The following ZNF676 variants were observed in gnomAD, a reference collection of about 807,000 sequenced individuals.
The protein encoded by ZNF676 is zinc finger protein 676.
Under a neutral mutation model 6.0 loss-of-function variants are expected in ZNF676, and 4 were observed. That is an observed-to-expected ratio of 0.67 (90% CI 0.33 to 1.53). The LOEUF (loss-of-function observed/expected upper bound fraction) is 1.53. Ranked by LOEUF, ZNF676 falls within the 40% of genes most tolerant of loss-of-function variation. ZNF676 has a pLI of 0.06. For missense variants in ZNF676, 644 were observed against 679.7 expected, an observed-to-expected ratio of 0.95 and a Z score of 0.58; for synonymous variants, 198 against 223.1, an observed-to-expected ratio of 0.89 and a Z score of 1.00.
intron 2 of ZNF676, among the ~76,000 whole-genome samples, chr19:22,186,321 A>G (rs1426467847): frequency 1.3e-5 from 2 of 152,188 alleles, no homozygotes; most frequent in Non-Finnish European, 2.9e-5. Context: ...TTTACAGACA[A>G]GCAAATGCTG....
chr19:22,231,123 A>G, the ZNF676 span, among the ~76,000 whole-genome samples: 1 of 152,200 alleles, frequency 6.6e-6, no homozygotes, highest in Non-Finnish European at 1.5e-5. Context: ...TTTGTATGCA[A>G]CTGAAGTTCA....
At chr19:22,240,414 T>G in the ZNF676 span, among the ~76,000 whole-genome samples, 2 of 152,042 alleles carry the variant, frequency 1.3e-5, no homozygotes, top group Middle Eastern at 3.4e-3. Context: ...TATTTCACAA[T>G]GCTCCCTGTG....
chr19:22,215,925 GA>G (rs1751821722), upstream of ZNF676, among the ~76,000 whole-genome samples: 1 of 152,194 alleles, frequency 6.6e-6, no homozygotes, highest in Non-Finnish European at 1.5e-5. Context: ...GCTGAATGAA[GA>G]AAGAGAGCCA....
At chr19:22,194,511 G>A (rs567709406) in intron 1 of ZNF676, among the ~76,000 whole-genome samples, 1 of 152,200 alleles carries the variant, frequency 6.6e-6, no homozygotes, top group East Asian at 1.9e-4. Flanking sequence ...CCTAAAGTGG[G>A]AAAATGTTAC....
chr19:22,200,413 C>G (rs2024013022), upstream of ZNF676, among the ~76,000 whole-genome samples: 2 of 151,250 alleles, frequency 1.3e-5, no homozygotes, highest in Admixed American at 1.3e-4. Flanking sequence ...TTTTGCACAT[C>G]TATTTATTGT....
At chr19:22,247,931 G>T in the ZNF676 span, among the ~76,000 whole-genome samples, 4 of 130,318 alleles carry the variant, frequency 3.1e-5, no homozygotes, top group Non-Finnish European at 6.1e-5. Context: ...AATGTGTGAT[G>T]TTCCCCTTCC....
the ZNF676 span, among the ~76,000 whole-genome samples, chr19:22,248,806 C>G: frequency 6.6e-6 from 1 of 152,060 alleles, no homozygotes; most frequent in African/African-American, 2.4e-5. Flanking sequence ...CTTGGCTCAC[C>G]ACAAACTCTG....
the ZNF676 span, among the ~76,000 whole-genome samples, chr19:22,239,140 A>G: frequency 1.3e-5 from 2 of 151,776 alleles, no homozygotes; most frequent in South Asian, 4.2e-4. Context: ...TCCAGAAATG[A>G]GTCAGCATTC....
intron 1 of ZNF676, among the ~76,000 whole-genome samples, chr19:22,212,106 AG>A (rs1287760471): frequency 1.3e-4 from 20 of 151,428 alleles, no homozygotes; most frequent in African/African-American, 4.1e-4. Context: ...AGGCTGAAGC[AG>A]GAGAATGGTG....
At chr19:22,232,678 G>A in the ZNF676 span, among the ~76,000 whole-genome samples, 6,326 of 151,546 alleles carry the variant, frequency 0.042, 433 homozygotes, top group African/African-American at 0.14. Flanking sequence ...CAAAATAGAA[G>A]TCTTAACATA....
chr19:22,205,453 G>A lies in ZNF676; in HGVS notation c.4-8727C>T, dbSNP rs537710985. Among the ~76,000 whole-genome samples the A allele has an allele frequency of 2.6e-5, 4 of 151,982 alleles. No homozygotes were observed. The South Asian group carries it at 8.3e-4, about 32-fold the overall frequency. ...TTCAAAAATCCCAAAACGATACAAG[G>A]CACACACACAGTTTACAGCTTAAGA... On this transcript the variant is annotated intron_variant, in intron 1 of 3. Coordinates refer to the ZNF676 transcript ENST00000650058.
chr19:22,199,227 A>G (rs999497969), upstream of ZNF676, among the ~76,000 whole-genome samples: 1 of 152,184 alleles, frequency 6.6e-6, no homozygotes, highest in Non-Finnish European at 1.5e-5. Flanking sequence ...CACTTAAACA[A>G]GTGCGCTGTC....
upstream of ZNF676, among the ~76,000 whole-genome samples, chr19:22,215,816 G>C (rs890409301): frequency 2.0e-5 from 3 of 149,452 alleles, no homozygotes; most frequent in Non-Finnish European, 4.5e-5. Flanking sequence ...CCAGCTGCCT[G>C]CCTGATTGGA....
intron 1 of ZNF676, chr19:22,203,537 T>C (rs1255145040): frequency 1.3e-5 from 2 of 152,130 alleles, no homozygotes; most frequent in Non-Finnish European, 2.9e-5. Flanking sequence ...CCAAAGTGCA[T>C]AGCTACTCTC....
the ZNF676 span, among the ~76,000 whole-genome samples, chr19:22,241,631 C>A: frequency 6.6e-6 from 1 of 151,392 alleles, no homozygotes; most frequent in Non-Finnish European, 1.5e-5. Context: ...CTCTATCAAT[C>A]AAGGGCTTTT....
At chr19:22,182,341 A>G (rs2145782992) in intron 2 of ZNF676, among the ~76,000 whole-genome samples, 1 of 152,212 alleles carries the variant, frequency 6.6e-6, no homozygotes, top group South Asian at 2.1e-4. Context: ...TCCAAATCTC[A>G]AAGATTACAG....
chr19:22,247,024 A>G, the ZNF676 span, among the ~76,000 whole-genome samples: 2 of 152,210 alleles, frequency 1.3e-5, no homozygotes, highest in African/African-American at 4.8e-5. Flanking sequence ...CTTTTCAGTA[A>G]CAGCTTTCTG....
Position 22,179,832 on chromosome 19 carries a change from G to A in ZNF676, c.*118C>T. On this transcript the variant is annotated 3_prime_UTR_variant, in exon 3 of 3. Transcript: ENST00000397121. ...TTTTCTTATGTGTAATAAAGATTGA[G>A]GACTGTTTAAAAGCTTTGCCACATT... 8.7e-7 allele frequency: 1 copy of A among 1,154,910 alleles called. No homozygotes were observed. Among genetic ancestry groups the A allele is most frequent in the Non-Finnish European group, 1.3e-6 (1 of 782,016 alleles). The allele number at this position is 1,154,910 out of a possible 1,614,324, so 71.5% of individuals were successfully genotyped here. A position where few individuals can be genotyped will look rare whatever the true frequency, so the allele number is the denominator to read the frequency against.
At chr19:22,232,205 G>T in the ZNF676 span, among the ~76,000 whole-genome samples, 6 of 151,242 alleles carry the variant, frequency 4.0e-5, no homozygotes, top group African/African-American at 1.5e-4. Context: ...GTCTCGCTCT[G>T]TCTCCAGGCT....
Sources: allele counts gnomAD v4.1 joint callset (sites outside exome capture counted in the v4.1 genomes callset), GRCh38; gene constraint gnomAD v4.1.1; transcripts MANE v1.5; gene names NCBI Gene and HGNC (gene_info 2026-07-23, HGNC 2026-07-21).